CNTN5: variants seen among roughly 807,000 people sequenced by gnomAD.
The protein encoded by CNTN5 is contactin-5.
A neutral mutation model predicts 129.1 loss-of-function variants in CNTN5; 77 were observed. The observed-to-expected ratio is 0.60, with a 90% CI of 0.50 to 0.72. CNTN5 has a LOEUF of 0.72. Among genes scored for constraint, CNTN5 ranks in the 30% least tolerant of loss-of-function variants. CNTN5 has a pLI of 0.00. For missense variants in CNTN5, 1,478 were observed against 1,328.8 expected (o/e 1.11, Z -1.75); for synonymous variants, 509 against 465.6 (o/e 1.09, Z -1.20).
At chr11:99,816,712 G>A (rs1474919872) in intron 3 of CNTN5, among the ~76,000 whole-genome samples, 1 of 151,996 alleles carries the variant, frequency 6.6e-6, no homozygotes, top group Non-Finnish European at 1.5e-5. Context: ...TAGAACTTAC[G>A]TTGCTCTCCT....
intron 1 of CNTN5, among the ~76,000 whole-genome samples, chr11:99,153,316 G>A (rs191781454): frequency 1.7e-3 from 258 of 151,990 alleles, no homozygotes; most frequent in Non-Finnish European, 3.2e-3. Flanking sequence ...TTTCTTAAAG[G>A]GTTTGTTCAT....
At chr11:99,325,714 C>T (rs1865757150) in intron 2 of CNTN5, among the ~76,000 whole-genome samples, 1 of 152,082 alleles carries the variant, frequency 6.6e-6, no homozygotes, top group Non-Finnish European at 1.5e-5. Context: ...AAAAGTGAAA[C>T]ACAGTAAAAT....
intron 1 of CNTN5, among the ~76,000 whole-genome samples, chr11:99,277,143 T>C (rs1426565619): frequency 6.6e-6 from 1 of 151,656 alleles, no homozygotes; most frequent in Non-Finnish European, 1.5e-5. Context: ...TTGTGCTAGG[T>C]GCTGAGGGAG....
At chr11:99,760,480 C>A (rs1219049) in intron 3 of CNTN5, among the ~76,000 whole-genome samples, 80,745 of 151,814 alleles carry the variant, frequency 0.53, 21,895 homozygotes, top group Non-Finnish European at 0.57. Flanking sequence ...TGGAATCATA[C>A]ACTTTGGGTG....
intron 2 of CNTN5, among the ~76,000 whole-genome samples, chr11:99,375,874 A>C (rs1365708237): frequency 1.3e-5 from 2 of 152,208 alleles, no homozygotes; most frequent in Non-Finnish European, 2.9e-5. Flanking sequence ...AGTTTAAATT[A>C]AAAAGCTGAA....
intron 13 of CNTN5, among the ~76,000 whole-genome samples, chr11:100,100,613 T>C (rs186397461): frequency 1.2e-4 from 19 of 152,240 alleles, no homozygotes; most frequent in Admixed American, 1.2e-3. Context: ...ACAACCTTTG[T>C]TTATGTGATT....
intron 8 of CNTN5, among the ~76,000 whole-genome samples, chr11:99,979,997 G>A (rs1028468712): frequency 2.0e-5 from 3 of 152,144 alleles, no homozygotes; most frequent in Admixed American, 2.0e-4. Context: ...GGAGTTACAA[G>A]GGTACCTAAC....
intron 3 of CNTN5, among the ~76,000 whole-genome samples, chr11:99,785,177 T>C (rs1040731263): frequency 2.0e-4 from 30 of 152,172 alleles, no homozygotes; most frequent in Non-Finnish European, 3.2e-4. Context: ...CTTTGTTTCA[T>C]ATGTTTATTG....
chr11:99,444,140 A>G (rs1447577210), intron 2 of CNTN5, among the ~76,000 whole-genome samples: 5 of 152,062 alleles, frequency 3.3e-5, no homozygotes, highest in South Asian at 2.1e-4. Flanking sequence ...TGGAGGTTGC[A>G]GTGAGCCGAG....
intron 3 of CNTN5, among the ~76,000 whole-genome samples, chr11:99,767,156 A>G (rs1944782893): frequency 6.6e-6 from 1 of 152,052 alleles, no homozygotes; most frequent in Non-Finnish European, 1.5e-5. Context: ...TCTATCATGT[A>G]TCTGTTTATT....
chr11:99,934,921 T>C (rs1394882142), intron 7 of CNTN5, among the ~76,000 whole-genome samples: 2 of 53,144 alleles, frequency 3.8e-5, no homozygotes, highest in Admixed American at 1.7e-4. Flanking sequence ...TATATATATA[T>C]ATATATATAT....
At chr11:99,939,093 A>G (rs1055864211) in intron 7 of CNTN5, among the ~76,000 whole-genome samples, 3 of 152,120 alleles carry the variant, frequency 2.0e-5, no homozygotes, top group Admixed American at 2.0e-4. Flanking sequence ...TGTATTCTAA[A>G]AAAAATTTAA....
At chr11:99,846,699 G>C (rs953820957) in intron 6 of CNTN5, among the ~76,000 whole-genome samples, 1 of 151,806 alleles carries the variant, frequency 6.6e-6, no homozygotes, top group Non-Finnish European at 1.5e-5. Flanking sequence ...ATCTTTCCCA[G>C]GTATCATTTC....
Position 99,819,766 on chromosome 11 carries a change from G to A in CNTN5, c.277+1G>A, listed in dbSNP as rs1045843810. 7 of 1,560,376 alleles carry A rather than the reference G, an allele frequency of 4.5e-6. No homozygotes were observed. Among genetic ancestry groups the A allele is most frequent in the Middle Eastern group, 3.3e-4 (2 of 6,012 alleles). On this transcript the variant is annotated splice_donor_variant, in intron 4 of 24. Transcript: ENST00000524871. LOFTEE classifies it high-confidence loss of function. Reference sequence around the variant, plus strand: ...TCCTCAGATGCCTTCAAACAAGATGGTAAGTGTCAAAGGAAAATGGCTCCA... The same window carrying A: ...TCCTCAGATGCCTTCAAACAAGATGATAAGTGTCAAAGGAAAATGGCTCCA...
At chr11:99,612,830 T>C (rs1950630983) in intron 3 of CNTN5, among the ~76,000 whole-genome samples, 1 of 152,220 alleles carries the variant, frequency 6.6e-6, no homozygotes, top group African/African-American at 2.4e-5. Context: ...TAAGACAAAA[T>C]TCTGGCCTTG....
intron 21 of CNTN5, among the ~76,000 whole-genome samples, chr11:100,318,968 A>G (rs1251312953): frequency 2.6e-5 from 4 of 152,184 alleles, no homozygotes; most frequent in Non-Finnish European, 5.9e-5. Flanking sequence ...AAGTGTACAA[A>G]TCATAAACAT....
chr11:100,353,771 CAAAGG>C (rs963745679), intron 24 of CNTN5, among the ~76,000 whole-genome samples: 5 of 151,496 alleles, frequency 3.3e-5, no homozygotes, highest in African/African-American at 1.2e-4. Context: ...TAAAATTTTT[CAAAGG>C]AAAGATTTAC....
chr11:100,315,698 A>C (rs1455714712), intron 21 of CNTN5, among the ~76,000 whole-genome samples: 2 of 152,220 alleles, frequency 1.3e-5, no homozygotes, highest in African/African-American at 4.8e-5. Context: ...AAGAAAAAAA[A>C]ATATGAAATT....
chr11:99,713,450 A>G (rs612698), intron 3 of CNTN5, among the ~76,000 whole-genome samples: 26,946 of 151,922 alleles, frequency 0.18, 3,001 homozygotes, highest in Middle Eastern at 0.33. Context: ...AAACAGAGAG[A>G]ATTTGACTTC....
Sources: allele counts gnomAD v4.1 joint callset (sites outside exome capture counted in the v4.1 genomes callset), GRCh38; gene constraint gnomAD v4.1.1; transcripts MANE v1.5; gene names NCBI Gene and HGNC (gene_info 2026-07-23, HGNC 2026-07-21).